Variants in PCDH15 observed in about 807,000 individuals in gnomAD.
PCDH15 encodes the protein protocadherin-15.
Under a neutral mutation model 178.5 loss-of-function variants are expected in PCDH15, and 129 were observed. The ratio of observed to expected loss-of-function variants is 0.72; its 90% CI spans 0.63 to 0.84. The LOEUF (loss-of-function observed/expected upper bound fraction) is 0.84, where lower values mean the gene tolerates loss of function less well. PCDH15 is among the 40% of genes least tolerant of loss of function. The pLI is 0.00. For missense variants in PCDH15, 2,230 were observed against 2,099.9 expected, an observed-to-expected ratio of 1.06 and a Z score of -1.21; for synonymous variants, 800 against 732.0, an observed-to-expected ratio of 1.09 and a Z score of -1.50.
intron 2 of PCDH15, among the ~76,000 whole-genome samples, chr10:55,567,626 A>G (rs1031787691): frequency 2.0e-5 from 3 of 152,156 alleles, no homozygotes; most frequent in African/African-American, 7.2e-5. Context: ...AAAATGGTCA[A>G]AATACTTGAA....
chr10:53,903,869 T>C (rs899617092), intron 25 of PCDH15, among the ~76,000 whole-genome samples: 3 of 152,180 alleles, frequency 2.0e-5, no homozygotes, highest in African/African-American at 7.2e-5. Context: ...AGTAACAGTG[T>C]TCGGGTGAGG....
upstream of PCDH15, among the ~76,000 whole-genome samples, chr10:55,320,377 C>A (rs1843857797): frequency 1.3e-5 from 2 of 152,044 alleles, no homozygotes; most frequent in Admixed American, 1.3e-4. Context: ...ATGCCCCCAC[C>A]ACCACCACTG....
At chr10:53,902,271 C>G (rs1193939068) in intron 26 of PCDH15, among the ~76,000 whole-genome samples, 1 of 151,984 alleles carries the variant, frequency 6.6e-6, no homozygotes, top group Non-Finnish European at 1.5e-5. Flanking sequence ...CAAGCCCAAC[C>G]CAATTAGGTT....
At chr10:54,750,040 A>T (rs1442510695) in intron 1 of PCDH15, among the ~76,000 whole-genome samples, 3 of 152,038 alleles carry the variant, frequency 2.0e-5, no homozygotes, top group Non-Finnish European at 4.4e-5. Flanking sequence ...AAATAATATT[A>T]TTACTTCATT....
At chr10:55,430,679 A>T (rs1364715364) in intron 2 of PCDH15, among the ~76,000 whole-genome samples, 1 of 152,200 alleles carries the variant, frequency 6.6e-6, no homozygotes, top group Non-Finnish European at 1.5e-5. Flanking sequence ...AAATAAAATA[A>T]AAAATGGCAT....
At chr10:55,553,286 G>A (rs1159651552) in intron 2 of PCDH15, among the ~76,000 whole-genome samples, 2 of 150,714 alleles carry the variant, frequency 1.3e-5, no homozygotes, top group Non-Finnish European at 3.0e-5. Flanking sequence ...CTCAAAGTAC[G>A]CAAAGCAAAT....
At chr10:54,287,366 A>T (rs956809170) in intron 8 of PCDH15, among the ~76,000 whole-genome samples, 1 of 152,236 alleles carries the variant, frequency 6.6e-6, no homozygotes, top group Non-Finnish European at 1.5e-5. Context: ...TTTATAGTAC[A>T]TGAAGACAGA....
intron 2 of PCDH15, among the ~76,000 whole-genome samples, chr10:55,016,091 T>C (rs1409880148): frequency 1.7e-5 from 1 of 60,058 alleles, no homozygotes; most frequent in Non-Finnish European, 2.7e-5. Context: ...CAATGACCTT[T>C]TTTTTTTAAA....
intron 8 of PCDH15, among the ~76,000 whole-genome samples, chr10:54,281,328 G>A (rs2058694243): frequency 6.6e-6 from 1 of 151,832 alleles, no homozygotes; most frequent in Non-Finnish European, 1.5e-5. Flanking sequence ...CACAATTAAA[G>A]AATATCACCT....
At chr10:54,645,348 A>G (rs1053455274) in intron 2 of PCDH15, among the ~76,000 whole-genome samples, 1 of 152,134 alleles carries the variant, frequency 6.6e-6, no homozygotes, top group Admixed American at 6.6e-5. Flanking sequence ...TAAATAGAAA[A>G]GTGAGAATAG....
intron 15 of PCDH15, among the ~76,000 whole-genome samples, chr10:54,092,718 A>G (rs1465414651): frequency 6.6e-6 from 1 of 152,142 alleles, no homozygotes; most frequent in Non-Finnish European, 1.5e-5. Context: ...AGGAACCACA[A>G]ATAATGATAC....
chr10:53,986,432 T>A (rs537110394), intron 21 of PCDH15, among the ~76,000 whole-genome samples: 1 of 152,342 alleles, frequency 6.6e-6, no homozygotes, highest in East Asian at 1.9e-4. Flanking sequence ...AAAAAATTAC[T>A]AATGTAACTA....
Position 53,854,089 on chromosome 10 carries a change from T to A in PCDH15, c.3806+3086A>T, listed in dbSNP as rs1462184421. 3.9e-5 allele frequency among the ~76,000 whole-genome samples: 6 copies of A among 152,140 alleles called. No individual in the cohort carries two copies. The East Asian group carries it at 1.2e-3, about 29-fold the overall frequency. On this transcript the variant is annotated intron_variant, in intron 28 of 37. Coordinates refer to ENST00000644397, the MANE Select transcript of PCDH15 (RefSeq NM_001384140.1). The stretch of plus-strand genomic sequence containing the variant: ...TATTCAGCTCTATAAAGGAATGAAA[T>A]TCTATCACATGCTAAGCTGTAACAT...
intron 2 of PCDH15, among the ~76,000 whole-genome samples, chr10:54,963,608 A>T (rs2131886567): frequency 6.6e-6 from 1 of 152,320 alleles, no homozygotes; most frequent in East Asian, 1.9e-4. Flanking sequence ...GCAACACTGT[A>T]TTTAAAAATC....
intron 3 of PCDH15, among the ~76,000 whole-genome samples, chr10:54,511,759 T>G (rs2081691218): frequency 6.6e-6 from 1 of 152,206 alleles, no homozygotes; most frequent in African/African-American, 2.4e-5. Flanking sequence ...ATTTTTAGTT[T>G]CAAATTTTCT....
At chr10:54,868,321 T>C (rs1384962542) in intron 3 of PCDH15, among the ~76,000 whole-genome samples, 2 of 152,186 alleles carry the variant, frequency 1.3e-5, no homozygotes, top group Non-Finnish European at 2.9e-5. Context: ...CAGACATCAG[T>C]TGTTGATGAC....
At chr10:55,321,154 A>G (rs181891691), upstream of PCDH15, among the ~76,000 whole-genome samples, 1 of 152,086 alleles carries the variant, frequency 6.6e-6, no homozygotes, top group East Asian at 1.9e-4. Flanking sequence ...GAAAAGAAAA[A>G]GAAACTACTC....
chr10:54,562,788 G>A (rs7907692), intron 2 of PCDH15, among the ~76,000 whole-genome samples: 58,074 of 151,812 alleles, frequency 0.38, 11,601 homozygotes, highest in East Asian at 0.49. Context: ...TTTATATATA[G>A]CACGGAATGA....
intron 2 of PCDH15, among the ~76,000 whole-genome samples, chr10:54,602,351 C>T (rs1435318793): frequency 6.6e-6 from 1 of 151,894 alleles, no homozygotes; most frequent in Non-Finnish European, 1.5e-5. Context: ...AGCAACTTTA[C>T]TAAATTCATG....
Sources: allele counts gnomAD v4.1 joint callset (sites outside exome capture counted in the v4.1 genomes callset), GRCh38; gene constraint gnomAD v4.1.1; transcripts MANE v1.5; gene names NCBI Gene and HGNC (gene_info 2026-07-23, HGNC 2026-07-21).